The following KIAA0825 variants were observed in gnomAD, a reference collection of about 807,000 sequenced individuals.
KIAA0825 encodes KIAA0825.
Under a neutral mutation model 147.6 loss-of-function variants are expected in KIAA0825, and 119 were observed. The ratio of observed to expected loss-of-function variants is 0.81; its 90% CI spans 0.69 to 0.94. The LOEUF (loss-of-function observed/expected upper bound fraction) is 0.94. KIAA0825 is among the 40% of genes least tolerant of loss of function. KIAA0825 has a pLI of 0.00. For missense variants in KIAA0825, 1,381 were observed against 1,472.7 expected (o/e 0.94, Z 1.02); for synonymous variants, 470 against 518.1 (o/e 0.91, Z 1.26).
intron 20 of KIAA0825, among the ~76,000 whole-genome samples, chr5:94,162,110 CTTATTTCTCAGCAT>C (rs1418315159): frequency 6.6e-6 from 1 of 152,134 alleles, no homozygotes; most frequent in East Asian, 1.9e-4. Context: ...TCTGCTTCGT[CTTATTTCTCAGCAT>C]TTACATCCTT....
intron 14 of KIAA0825, among the ~76,000 whole-genome samples, chr5:94,436,806 G>C (rs1484901725): frequency 6.6e-6 from 1 of 152,084 alleles, no homozygotes. Context: ...CTGAGCAGTG[G>C]TTTGTAGTTC....
chr5:94,393,343 T>C (rs75589218), intron 17 of KIAA0825, among the ~76,000 whole-genome samples: 474 of 152,376 alleles, frequency 3.1e-3, no homozygotes, highest in African/African-American at 0.011. Context: ...AGACAGATAC[T>C]TCTTTACTTT....
At chr5:94,587,003 T>C (rs1783433258) in intron 1 of KIAA0825, among the ~76,000 whole-genome samples, 1 of 152,208 alleles carries the variant, frequency 6.6e-6, no homozygotes, top group Non-Finnish European at 1.5e-5. Flanking sequence ...CCTTTCATGC[T>C]AAAAATTCTC....
At chr5:94,469,400 G>A (rs1760941481) in intron 10 of KIAA0825, among the ~76,000 whole-genome samples, 1 of 152,144 alleles carries the variant, frequency 6.6e-6, no homozygotes, top group Non-Finnish European at 1.5e-5. Context: ...TCAAACCCCT[G>A]ACCTCAAGTG....
chr5:94,368,996 C>T (rs1746277522), intron 20 of KIAA0825, among the ~76,000 whole-genome samples: 1 of 151,990 alleles, frequency 6.6e-6, no homozygotes, highest in African/African-American at 2.4e-5. Context: ...GGCAAAACCC[C>T]TTCTCTACTA....
chr5:94,490,533 T>C (rs186277451), intron 5 of KIAA0825, among the ~76,000 whole-genome samples: 7 of 152,188 alleles, frequency 4.6e-5, no homozygotes, highest in Admixed American at 6.5e-5. Context: ...ATATTGATAA[T>C]ATTTTTTCTA....
At chr5:94,223,825 T>A (rs1419848714) in intron 20 of KIAA0825, among the ~76,000 whole-genome samples, 1 of 152,162 alleles carries the variant, frequency 6.6e-6, no homozygotes, top group Non-Finnish European at 1.5e-5. Context: ...GAATGTTTTC[T>A]AATGGAAGAC....
intron 20 of KIAA0825, among the ~76,000 whole-genome samples, chr5:94,368,400 T>C (rs1385548790): frequency 6.6e-6 from 1 of 152,142 alleles, no homozygotes; most frequent in Non-Finnish European, 1.5e-5. Flanking sequence ...CTCGAACTCC[T>C]AGGCTCAAGG....
intron 20 of KIAA0825, among the ~76,000 whole-genome samples, chr5:94,370,722 C>T (rs1389617530): frequency 6.6e-6 from 1 of 151,956 alleles, no homozygotes; most frequent in African/African-American, 2.4e-5. Flanking sequence ...CTGGCTAACA[C>T]AGTGAAACCC....
chr5:94,490,868 T>A (rs879117825), intron 5 of KIAA0825, among the ~76,000 whole-genome samples: 1 of 152,146 alleles, frequency 6.6e-6, no homozygotes, highest in Non-Finnish European at 1.5e-5. Flanking sequence ...TGAAAATAAA[T>A]CTAGAGGGAC....
chr5:94,574,561 A>G (rs535722730), intron 2 of KIAA0825, among the ~76,000 whole-genome samples: 2,256 of 150,288 alleles, frequency 0.015, 59 homozygotes, highest in African/African-American at 0.051. Context: ...AAAAAAAAAA[A>G]AAAAGAAAAA....
chr5:94,242,928 A>G (rs1468249278), intron 20 of KIAA0825, among the ~76,000 whole-genome samples: 1 of 151,732 alleles, frequency 6.6e-6, no homozygotes, highest in Non-Finnish European at 1.5e-5. Flanking sequence ...CCCCTTGTAC[A>G]TTTTTCTTAT....
At chr5:94,491,716 T>TG (rs1285204788) in intron 5 of KIAA0825, among the ~76,000 whole-genome samples, 1 of 152,220 alleles carries the variant, frequency 6.6e-6, no homozygotes, top group Non-Finnish European at 1.5e-5. Context: ...GAAAAGAATT[T>TG]GGGGTAAAAG....
intron 2 of KIAA0825, among the ~76,000 whole-genome samples, chr5:94,566,024 A>G (rs148715540): frequency 5.3e-4 from 80 of 152,304 alleles, no homozygotes; most frequent in African/African-American, 1.9e-3. Context: ...AGAACATGCC[A>G]TATCTATCTT....
intron 20 of KIAA0825, among the ~76,000 whole-genome samples, chr5:94,265,403 C>T (rs999683268): frequency 6.6e-6 from 1 of 152,140 alleles, no homozygotes; most frequent in Non-Finnish European, 1.5e-5. Context: ...AAAATTTGCA[C>T]CAATGGTAAG....
intron 12 of KIAA0825, among the ~76,000 whole-genome samples, chr5:94,453,466 C>G (rs749365876): frequency 6.6e-6 from 1 of 151,422 alleles, no homozygotes; most frequent in Non-Finnish European, 1.5e-5. Flanking sequence ...GGATTACAGG[C>G]GTGAGCCACT....
intron 5 of KIAA0825, among the ~76,000 whole-genome samples, chr5:94,511,622 C>T (rs1021774960): frequency 6.6e-6 from 1 of 151,648 alleles, no homozygotes; most frequent in Non-Finnish European, 1.5e-5. Flanking sequence ...GACTCTGTCT[C>T]AAAGAAAAAA....
intron 20 of KIAA0825, among the ~76,000 whole-genome samples, chr5:94,211,826 A>G (rs1399954538): frequency 1.3e-5 from 2 of 152,088 alleles, no homozygotes; most frequent in African/African-American, 2.4e-5. Flanking sequence ...GGATCATCAT[A>G]TTTTCTTACA....
intron 20 of KIAA0825, among the ~76,000 whole-genome samples, chr5:94,247,700 GC>G (rs1175804773): frequency 2.0e-5 from 3 of 152,118 alleles, no homozygotes; most frequent in Non-Finnish European, 4.4e-5. Flanking sequence ...TATTTCCAGT[GC>G]TAGTGTAAAG....
Sources: allele counts gnomAD v4.1 joint callset (sites outside exome capture counted in the v4.1 genomes callset), GRCh38; gene constraint gnomAD v4.1.1; transcripts MANE v1.5; gene names NCBI Gene and HGNC (gene_info 2026-07-23, HGNC 2026-07-21).